Variants in NEURL4 observed in about 807,000 individuals in gnomAD.
The protein encoded by NEURL4 is neuralized E3 ubiquitin protein ligase 4.
A neutral mutation model predicts 148.0 loss-of-function variants in NEURL4; 45 were observed. The observed-to-expected ratio is 0.30, with a 90% CI of 0.24 to 0.39. The LOEUF (loss-of-function observed/expected upper bound fraction) is 0.39, where lower values mean the gene tolerates loss of function less well. Ranked by LOEUF, NEURL4 falls within the 10% of genes least tolerant of loss-of-function variation. The pLI is 1.00. For missense variants in NEURL4, 1,776 were observed against 2,144.0 expected, an observed-to-expected ratio of 0.83 and a Z score of 3.39; for synonymous variants, 854 against 869.0, an observed-to-expected ratio of 0.98 and a Z score of 0.30.
Position 7,324,772 on chromosome 17 carries a change from C to G in NEURL4, c.1813+27G>C, listed in dbSNP as rs1232397097. 1.2e-6 allele frequency: 2 copies of G among 1,612,968 alleles called. No homozygotes were observed. Among genetic ancestry groups the G allele is most frequent in the Admixed American group, 1.7e-5 (1 of 60,002 alleles). Reference sequence around the variant, plus strand: ...GATAGCTTCCCCCCAAAACCCTATCCTGTCCCTGCCCTTCCTGGGAGCTCA... The same window carrying G: ...GATAGCTTCCCCCCAAAACCCTATCGTGTCCCTGCCCTTCCTGGGAGCTCA... On this transcript the variant is annotated intron_variant, in intron 9 of 28. Transcript: ENST00000399464. This position sits in a 1 kb window ranked among gnomAD's most constrained non-coding sequence, Gnocchi z 5.9.
rs1213644282 is a variant in NEURL4 at position 7,327,302 on chromosome 17, C to T, written c.728-72G>A. On this transcript the variant is annotated intron_variant, in intron 2 of 28. Coordinates refer to ENST00000399464, the MANE Select transcript of NEURL4 (RefSeq NM_032442.3). This position sits in a 1 kb window ranked among gnomAD's most constrained non-coding sequence, Gnocchi z 6.6. ...TTCACGGCCCATAGCCAGGAGAACC[C>T]CCCATCCTCTAGCTCCTGCTCTCCC... 12 of 1,482,780 alleles carry T rather than the reference C, an allele frequency of 8.1e-6. No individual in the cohort carries two copies. Among genetic ancestry groups the T allele is most frequent in the African/African-American group, 2.8e-5 (2 of 71,396 alleles). The allele number at this position is 1,482,780 out of a possible 1,614,324, so 91.9% of individuals were successfully genotyped here.
chr17:7,326,594 A>G lies in NEURL4; in HGVS notation c.1093-46T>C. On this transcript the variant is annotated intron_variant, in intron 4 of 28. Transcript: ENST00000399464. The surrounding 1 kb of genome is among the most constrained non-coding windows in gnomAD (Gnocchi z 6.0). ...GGAGAAGCAGGGAATGTAAATGCAGAAAGGGACCTTCAGCCCTTGGTTCTT... is the reference window on the plus strand; with the variant it reads ...GGAGAAGCAGGGAATGTAAATGCAGGAAGGGACCTTCAGCCCTTGGTTCTT... The G allele has an allele frequency of 6.2e-7, 1 of 1,608,640 alleles. No homozygotes were observed. The highest frequency in any genetic ancestry group is 8.5e-7 in the Non-Finnish European group (1 of 1,175,278).
At position 7,326,378 on chromosome 17, in the gene NEURL4, G is replaced by C. The variant is rs756776499; in HGVS notation, c.1205-35C>G. ...AGTGGACACTTGGGTTCGGGTACGG[G>C]GCTTCCTTCCCCTCAGCAACACCAG... On this transcript the variant is annotated intron_variant, in intron 5 of 28. Transcript: ENST00000399464. This position sits in a 1 kb window ranked among gnomAD's most constrained non-coding sequence, Gnocchi z 6.0. 6.2e-7 allele frequency: 1 copy of C among 1,613,718 alleles called. No homozygotes were observed. The highest frequency in any genetic ancestry group is 8.5e-7 in the Non-Finnish European group (1 of 1,179,666).
Position 7,324,100 on chromosome 17 carries a change from G to A in NEURL4, c.2062+8C>T, listed in dbSNP as rs2073068459. The A allele has an allele frequency of 6.8e-6, 11 of 1,611,896 alleles. No homozygotes were observed. The East Asian group carries it at 2.0e-4, about 29-fold the overall frequency. ...TAACCCCCAGCCCCAGCCCAGCCCGGCCCTCACCCACGTCGTCCACAATGG... is the reference window on the plus strand; with the variant it reads ...TAACCCCCAGCCCCAGCCCAGCCCGACCCTCACCCACGTCGTCCACAATGG... On this transcript the variant is annotated splice_region_variant and intron_variant, in intron 11 of 28. Coordinates refer to ENST00000399464, the MANE Select transcript of NEURL4 (RefSeq NM_032442.3). This position sits in a 1 kb window ranked among gnomAD's most constrained non-coding sequence, Gnocchi z 5.9.
Position 7,316,003 on chromosome 17 carries a change from G to T in NEURL4, c.*120C>A, listed in dbSNP as rs935993709. 1 of 698,930 alleles carries T rather than the reference G, an allele frequency of 1.4e-6. No homozygotes were observed. Among genetic ancestry groups the T allele is most frequent in the Non-Finnish European group, 2.6e-6 (1 of 379,342 alleles). The allele number at this position is 698,930 out of a possible 1,614,324, so 43.3% of individuals were successfully genotyped here. ...AGAGCCTGCCTACATGCTCCTGCGC[G>T]GCTGCCAAGCTCCAGCACCTGCGCA... On this transcript the variant is annotated 3_prime_UTR_variant, in exon 29 of 29. Coordinates refer to ENST00000399464, the MANE Select transcript of NEURL4 (RefSeq NM_032442.3).
Position 7,327,808 on chromosome 17 carries a change from G to A in NEURL4, c.359C>T (p.Ala120Val). 1 of 1,613,912 alleles carries A rather than the reference G, an allele frequency of 6.2e-7. No homozygotes were observed. Among genetic ancestry groups the A allele is most frequent in the South Asian group, 1.1e-5 (1 of 91,090 alleles). The change falls in exon 2 of 29, where the codon GCC becomes GTC. Residue 120 changes from alanine (A) to valine (V), a missense_variant. Coordinates refer to ENST00000399464, the MANE Select transcript of NEURL4 (RefSeq NM_032442.3). This position sits in a 1 kb window ranked among gnomAD's most constrained non-coding sequence, Gnocchi z 6.6. ...DPSVLDFPSS[A>V]TGLKGGSWVV... ...CCACGAGCCCCCCTTCAGGCCCGTG[G>A]CACTGCTTGGAAAGTCCAGCACACT...
chr17:7,321,700 C>A lies in NEURL4; in HGVS notation c.2959G>T (p.Ala987Ser). The A allele has an allele frequency of 6.2e-7, 1 of 1,613,718 alleles. No homozygotes were observed. Among genetic ancestry groups the A allele is most frequent in the Non-Finnish European group, 8.5e-7 (1 of 1,180,032 alleles). Residue 987 changes from alanine to serine, a missense_variant, in exon 18 of 29, where the codon GCA (alanine) becomes TCA (serine). By Grantham distance (99) the Ala-to-Ser change is moderately conservative. Transcript: ENST00000399464. The surrounding 1 kb of genome is among the most constrained non-coding windows in gnomAD (Gnocchi z 6.3). Reference sequence around the variant, plus strand: ...GGCAGCCCTGGGCCACCACCGCCTGCCCCGGGTCCCATCTCCCCCGGTGCT... The same window carrying A: ...GGCAGCCCTGGGCCACCACCGCCTGACCCGGGTCCCATCTCCCCCGGTGCT... Reference protein sequence around the residue: ...TLAPGEMGPGAGGGGPGLPPS... With the variant: ...TLAPGEMGPGSGGGGPGLPPS...
At position 7,320,868 on chromosome 17, in the gene NEURL4, C is replaced by A; in HGVS notation, c.3416G>T (p.Gly1139Val). The change falls in exon 21 of 29, where the codon GGG becomes GTG. Residue 1139 changes from glycine to valine, a missense_variant. Gly to Val is a moderately radical substitution (Grantham distance 109). Coordinates refer to ENST00000399464, the MANE Select transcript of NEURL4 (RefSeq NM_032442.3). ...PTTLEFLENH[G>V]KNILLSNGNR... ...CCCATTAGACAAAAGGATATTCTTC[C>A]CATGGTTCTCCAGGAACTCGAGGGT... is the stretch of plus-strand genomic sequence containing the variant. 6.2e-7 allele frequency: 1 copy of A among 1,614,088 alleles called. No homozygotes were observed. Among genetic ancestry groups the A allele is most frequent in the East Asian group, 2.2e-5 (1 of 44,888 alleles).
rs2073038376 is a variant in NEURL4, at chr17:7,321,844, T to G, written c.2871+21A>C. On this transcript the variant is annotated intron_variant, in intron 17 of 28. Coordinates refer to ENST00000399464, the MANE Select transcript of NEURL4 (RefSeq NM_032442.3). This position sits in a 1 kb window ranked among gnomAD's most constrained non-coding sequence, Gnocchi z 6.3. ...GTCGTGATGGGCCTCGCAGCCCCTC[T>G]GTCACATCACTACGGCCTACCTCAA... 6.2e-7 allele frequency: 1 copy of G among 1,612,254 alleles called. No homozygotes were observed. Among genetic ancestry groups the G allele is most frequent in the East Asian group, 2.2e-5 (1 of 44,824 alleles).
Position 7,317,685 on chromosome 17 carries a change from C to G in NEURL4, c.4205+103G>C, listed in dbSNP as rs768631530. On this transcript the variant is annotated intron_variant, in intron 26 of 28. Coordinates refer to ENST00000399464, the MANE Select transcript of NEURL4 (RefSeq NM_032442.3). ...AGTCCCTGGCACTTCCTGGCTTTTC[C>G]TTAGACAGGAAGTTCTATTACTTCT... is the stretch of plus-strand genomic sequence containing the variant. 9.8e-5 allele frequency: 155 copies of G among 1,573,766 alleles called. 1 individual carries two copies. The highest frequency in any genetic ancestry group is 1.3e-4 in the Non-Finnish European group (147 of 1,150,540).
Position 7,318,928 on chromosome 17 carries a change from T to A in NEURL4, c.3684+122A>T, listed in dbSNP as rs902643803. ...AATGCTACTCGCCCTTGCCTGCCCA[T>A]TACTGTTCCCCTTTTACACCTGTGG... On this transcript the variant is annotated intron_variant, in intron 22 of 28. Coordinates refer to ENST00000399464, the MANE Select transcript of NEURL4 (RefSeq NM_032442.3). The surrounding 1 kb of genome is among the most constrained non-coding windows in gnomAD (Gnocchi z 4.3). 1.3e-5 allele frequency: 15 copies of A among 1,174,566 alleles called. No individual in the cohort carries two copies. In the East Asian group the frequency reaches 3.6e-4, roughly 28 times the overall value. 72.8% of individuals were successfully genotyped at this position (1,174,566 alleles called of 1,614,324 possible). A position where few individuals can be genotyped will look rare whatever the true frequency, so the allele number is the denominator to read the frequency against.
In NEURL4 at chr17:7,324,378, C is replaced by T. The variant is rs774673288; in HGVS notation, c.1899+17G>A. ...GATGCCCGCTGCGGCCGCCAGGCGG[C>T]GCACCCACTTTCCCACCTTGAGGCG... is the stretch of plus-strand genomic sequence containing the variant. On this transcript the variant is annotated intron_variant, in intron 10 of 28. Coordinates refer to ENST00000399464, the MANE Select transcript of NEURL4 (RefSeq NM_032442.3). The surrounding 1 kb of genome is among the most constrained non-coding windows in gnomAD (Gnocchi z 5.9). The T allele has an allele frequency of 5.6e-5, 90 of 1,613,896 alleles. No individual in the cohort carries two copies. The highest frequency in any genetic ancestry group is 1.4e-4 in the South Asian group (13 of 91,078).
At position 7,315,628 on chromosome 17, in the gene NEURL4, G is replaced by C. The variant is rs939905047; in HGVS notation, c.*495C>G. Reference sequence around the variant, plus strand: ...GGCGCGCGAGAGAGAGGCCGAGGCGGAGGCTCTGAGACGGTGTTTATTGGC... The same window carrying C: ...GGCGCGCGAGAGAGAGGCCGAGGCGCAGGCTCTGAGACGGTGTTTATTGGC... On this transcript the variant is annotated 3_prime_UTR_variant, in exon 29 of 29. Transcript: ENST00000399464. 16 of 400,046 alleles carry C rather than the reference G, an allele frequency of 4.0e-5. No homozygotes were observed. The highest frequency in any genetic ancestry group is 6.2e-5 in the Non-Finnish European group (14 of 226,758). The allele number at this position is 400,046 out of a possible 1,614,324, so 24.8% of individuals were successfully genotyped here.
Position 7,322,096 on chromosome 17 carries a change from G to T in NEURL4, c.2726-86C>A. 6.8e-7 allele frequency: 1 copy of T among 1,460,212 alleles called. No homozygotes were observed. The highest frequency in any genetic ancestry group is 1.3e-5 in the South Asian group (1 of 74,576). The allele number at this position is 1,460,212 out of a possible 1,614,324, so 90.5% of individuals were successfully genotyped here. A position where few individuals can be genotyped will look rare whatever the true frequency, so the allele number is the denominator to read the frequency against. On this transcript the variant is annotated intron_variant, in intron 16 of 28. Transcript: ENST00000399464. This position sits in a 1 kb window ranked among gnomAD's most constrained non-coding sequence, Gnocchi z 5.5. ...ACAGAGCAAAGCTTTCAGATGAAACGAAATGGGGATGCCAACGCCCCATCT... is the reference window on the plus strand; with the variant it reads ...ACAGAGCAAAGCTTTCAGATGAAACTAAATGGGGATGCCAACGCCCCATCT...
chr17:7,327,339 T>G lies in NEURL4; in HGVS notation c.727+101A>C. On this transcript the variant is annotated intron_variant, in intron 2 of 28. Coordinates refer to ENST00000399464, the MANE Select transcript of NEURL4 (RefSeq NM_032442.3). The surrounding 1 kb of genome is among the most constrained non-coding windows in gnomAD (Gnocchi z 6.6). ...GCTCCTGCTCTCCCATTCAACAGAC[T>G]TGGGGATCAGGGTGGCCCTGCCCAC... 4 of 1,448,432 alleles carry G rather than the reference T, an allele frequency of 2.8e-6. No individual in the cohort carries two copies. Among genetic ancestry groups the G allele is most frequent in the Middle Eastern group, 1.8e-4 (1 of 5,520 alleles). 89.7% of individuals were successfully genotyped at this position (1,448,432 alleles called of 1,614,324 possible).
rs778232595 is a variant in NEURL4 at position 7,323,552 on chromosome 17, T to C, written c.2350A>G (p.Ile784Val). 3 of 1,614,104 alleles carry C rather than the reference T, an allele frequency of 1.9e-6. No individual in the cohort carries two copies. The highest frequency in any genetic ancestry group is 8.5e-7 in the Non-Finnish European group (1 of 1,180,046). Residue 784 changes from isoleucine to valine, a missense_variant, in exon 14 of 29, where the codon ATT becomes GTT. Physicochemically the swap from Ile to Val is conservative, Grantham distance 29. Coordinates refer to ENST00000399464, the MANE Select transcript of NEURL4 (RefSeq NM_032442.3). ...SGSIEAGVTAIRPEDLEFPNT... is the reference protein window; with the variant it reads ...SGSIEAGVTAVRPEDLEFPNT... ...GGGAATTCCAGGTCTTCAGGCCGAATAGCAGTCACTCCTGGGAGGAGGCAG... is the reference window on the plus strand; with the variant it reads ...GGGAATTCCAGGTCTTCAGGCCGAACAGCAGTCACTCCTGGGAGGAGGCAG...
rs1014554443 is a variant in NEURL4, at chr17:7,326,986, C to T, written c.817G>A (p.Glu273Lys). 1.2e-6 allele frequency: 2 copies of T among 1,611,818 alleles called. No homozygotes were observed. The highest frequency in any genetic ancestry group is 8.5e-7 in the Non-Finnish European group (1 of 1,180,000). The part of the protein sequence containing the change: ...HNDFANMELS[E>K]VVSNTILSAY... ...GACAGGATGGTGTTGCTCACCACCT[C>T]AGACAGCTCCATGTTGGCAAAGTCT... Residue 273 changes from glutamate to lysine, a missense_variant, in exon 4 of 29, where the codon GAG becomes AAG. By Grantham distance (56) the Glu-to-Lys change is moderately conservative. Transcript: ENST00000399464. This position sits in a 1 kb window ranked among gnomAD's most constrained non-coding sequence, Gnocchi z 6.0.
chr17:7,319,889 G>A (rs987685343), intron 21 of NEURL4, among the ~76,000 whole-genome samples: 1 of 151,762 alleles, frequency 6.6e-6, no homozygotes, highest in Non-Finnish European at 1.5e-5. Flanking sequence ...GAGTGCAGCG[G>A]TGCGATCTCG....
Position 7,324,983 on chromosome 17 carries a change from G to A in NEURL4, c.1632-3C>T. On this transcript the variant is annotated splice_polypyrimidine_tract_variant and splice_region_variant and intron_variant, in intron 8 of 28. Transcript: ENST00000399464. The surrounding 1 kb of genome is among the most constrained non-coding windows in gnomAD (Gnocchi z 5.9). ...CGTGATTGAAGTCATCGGTGGCACT[G>A]AGGGCACAGCAAGTGGAGAGTCAGA... 6.2e-7 allele frequency: 1 copy of A among 1,613,846 alleles called. No homozygotes were observed. Among genetic ancestry groups the A allele is most frequent in the Non-Finnish European group, 8.5e-7 (1 of 1,179,874 alleles).
Sources: allele counts gnomAD v4.1 joint callset (sites outside exome capture counted in the v4.1 genomes callset), GRCh38; gene constraint gnomAD v4.1.1; non-coding constraint Gnocchi (gnomAD v3.1); transcripts MANE v1.5; gene names NCBI Gene and HGNC (gene_info 2026-07-23, HGNC 2026-07-21).